CPZ: variants seen among roughly 807,000 people sequenced by gnomAD.
CPZ encodes carboxypeptidase Z.
A neutral mutation model predicts 61.8 loss-of-function variants in CPZ; 103 were observed. The observed-to-expected ratio is 1.67, with a 90% CI of 1.42 to 1.96. The LOEUF (loss-of-function observed/expected upper bound fraction) is 1.96, where lower values mean the gene tolerates loss of function less well. Ranked by LOEUF, CPZ falls within the 30% of genes most tolerant of loss-of-function variation. The pLI, the probability that CPZ is intolerant of heterozygous loss-of-function variation, is 0.00. For synonymous variants in CPZ, 551 were observed against 373.7 expected, an observed-to-expected ratio of 1.47 and a Z score of -5.47; for missense variants, 1,461 against 914.9, an observed-to-expected ratio of 1.60 and a Z score of -7.70.
intron 7 of CPZ, among the ~76,000 whole-genome samples, chr4:8,607,969 C>T (rs1024657741): frequency 6.6e-6 from 1 of 152,172 alleles, no homozygotes; most frequent in Non-Finnish European, 1.5e-5. Flanking sequence ...TCCTACTGTT[C>T]GTAGAGCAGC....
At chr4:8,599,349 G>A in intron 1 of CPZ, 104 bp from the exon 2 acceptor site, 3 of 1,359,340 alleles carry the variant, frequency 2.2e-6, no homozygotes, top group Non-Finnish European at 2.9e-6. Flanking sequence ...GCGGAGGGTG[G>A]CCTGGGCTGG....
chr4:8,618,258 G>GA lies in CPZ; in HGVS notation c.1504-170dup. On this transcript the variant is annotated intron_variant, in intron 9 of 10. Transcript: ENST00000360986. Reference sequence around the variant, plus strand: ...GGAGGAAACTGAGGCCCAGAGAGGGGAGTGACTGACTCGTTAAAGATGGCA... The same window carrying GA: ...GGAGGAAACTGAGGCCCAGAGAGGGGAAGTGACTGACTCGTTAAAGATGGCA... 3 of 618,194 alleles carry GA rather than the reference G, an allele frequency of 4.9e-6. No individual in the cohort carries two copies. In the South Asian group the frequency reaches 5.8e-5, roughly 12 times the overall value. The allele number at this position is 618,194 out of a possible 1,614,324, so 38.3% of individuals were successfully genotyped here. A position where few individuals can be genotyped will look rare whatever the true frequency, so the allele number is the denominator to read the frequency against.
intron 8 of CPZ, 41 bp from the exon 9 acceptor site, chr4:8,614,289 ACACCCCTGACGTCCCGGCTGTCTCTGTGC>A (rs1715969813): frequency 6.6e-7 from 1 of 1,507,482 alleles, no homozygotes; most frequent in African/African-American, 1.5e-5. Flanking sequence ...TGTGCGGCTG[ACACCCCTGACGTCCCGGCTGTCTCTGTGC>A]GGCTGACACC....
chr4:8,616,045 C>T (rs889737297), intron 9 of CPZ, among the ~76,000 whole-genome samples: 3 of 152,278 alleles, frequency 2.0e-5, no homozygotes, highest in African/African-American at 4.8e-5. Flanking sequence ...GAAGGAGCCT[C>T]GGATGTGGCT....
chr4:8,615,292 T>A (rs1302129622), intron 9 of CPZ, among the ~76,000 whole-genome samples: 1 of 151,884 alleles, frequency 6.6e-6, no homozygotes, highest in Non-Finnish European at 1.5e-5. Context: ...AGTGTGAGAG[T>A]GGGGACTCTG....
chr4:8,607,553 G>C (rs1715145039), intron 7 of CPZ, 128 bp downstream of exon 7: 4 of 1,050,864 alleles, frequency 3.8e-6, no homozygotes, highest in South Asian at 1.8e-5. Context: ...GAGCGGGTCA[G>C]CACCACCTGC....
chr4:8,605,064 C>G (rs1714836093), intron 4 of CPZ, among the ~76,000 whole-genome samples: 1 of 152,238 alleles, frequency 6.6e-6, no homozygotes, highest in African/African-American at 2.4e-5. Context: ...AGAGGTGCCC[C>G]TGTGCAGAAG....
chr4:8,607,140 G>C (rs1715103124), intron 6 of CPZ, 127 bp from the exon 7 acceptor site: 1 of 1,205,980 alleles, frequency 8.3e-7, no homozygotes, highest in Non-Finnish European at 1.1e-6. Context: ...AGTCCAGCTG[G>C]TGCGTTGATG....
In CPZ at chr4:8,604,022, C is replaced by T. The variant is rs1560292929; in HGVS notation, c.543C>T (p.Thr181=). Reference sequence around the variant, plus strand: ...CACTGCCCTCAGGGCTGCCGCCCACCTTCATCCGCTTCAGCCACCACTCCT... The same window carrying T: ...CACTGCCCTCAGGGCTGCCGCCCACTTTCATCCGCTTCAGCCACCACTCCT... ...DEALPSGLPP[T]FIRFSHHSYA... is the part of the protein sequence containing the mutation. The change falls in exon 4 of 11, where the codon ACC becomes ACT. Residue 181 remains threonine, a synonymous_variant. Coordinates refer to ENST00000360986, the MANE Select transcript of CPZ (RefSeq NM_001014447.3). 1.9e-6 allele frequency: 3 copies of T among 1,612,136 alleles called. No homozygotes were observed. Among genetic ancestry groups the T allele is most frequent in the South Asian group, 1.1e-5 (1 of 91,072 alleles).
chr4:8,605,625 T>TCCATCCACC (rs879783652), intron 4 of CPZ, among the ~76,000 whole-genome samples: 1 of 108,852 alleles, frequency 9.2e-6, no homozygotes, highest in Non-Finnish European at 1.8e-5. Flanking sequence ...CATCCATCCA[T>TCCATCCACC]CATTGATATA....
At position 8,608,128 on chromosome 4, in the gene CPZ, C is replaced by CCCAGCCT. The variant is rs3842006; in HGVS notation, c.1227+710_1227+716dup. On this transcript the variant is annotated intron_variant, in intron 7 of 10. Coordinates refer to ENST00000360986, the MANE Select transcript of CPZ (RefSeq NM_001014447.3). ...GGAGGGGTTGTGATCTGAGGTGGGC[C>CCCAGCCT]CCAGCCTCCAGCCCCCAGCCCCCAG... Among the ~76,000 whole-genome samples the CCCAGCCT allele has an allele frequency of 3.3e-3, 386 of 117,700 alleles. 1 individual carries two copies. The highest frequency in any genetic ancestry group is 7.4e-3 in the African/African-American group (213 of 28,962). 77.2% of individuals were successfully genotyped at this position (117,700 alleles called of 152,430 possible).
At position 8,601,491 on chromosome 4, in the gene CPZ, C is replaced by T; in HGVS notation, c.490C>T (p.Leu164Phe). The change falls in exon 3 of 11, where the codon CTT becomes TTT. Residue 164 changes from leucine (L) to phenylalanine (F), a missense_variant. By Grantham distance (22) the Leu-to-Phe change is conservative (BLOSUM62 0). Coordinates refer to ENST00000360986, the MANE Select transcript of CPZ (RefSeq NM_001014447.3). ...DEGCYDPLEK[L>F]RGGLEADEAL... ...GGGCTGCTATGACCCGCTGGAGAAG[C>T]TTCGGGGTAAGGGAAAGTGGCGGGG... The T allele has an allele frequency of 6.8e-7, 1 of 1,475,980 alleles. No homozygotes were observed. The highest frequency in any genetic ancestry group is 9.0e-7 in the Non-Finnish European group (1 of 1,111,814). The allele number at this position is 1,475,980 out of a possible 1,614,324, so 91.4% of individuals were successfully genotyped here.
rs111957407 is a variant in CPZ at position 8,611,906 on chromosome 4, A to G, written c.1228-121A>G. The stretch of plus-strand genomic sequence containing the variant: ...TTCCCCTCTCCTACCTGCAGACACC[A>G]TTCCCCTCTCCTATCTGCAATGCAG... On this transcript the variant is annotated intron_variant, in intron 7 of 10. Transcript: ENST00000360986. The G allele has an allele frequency of 2.3e-5, 31 of 1,374,172 alleles. No homozygotes were observed. The African/African-American group carries it at 3.0e-4, about 13-fold the overall frequency. The allele number at this position is 1,374,172 out of a possible 1,614,324, so 85.1% of individuals were successfully genotyped here. A position where few individuals can be genotyped will look rare whatever the true frequency, so the allele number is the denominator to read the frequency against.
At chr4:8,606,927 TCCAC>T in intron 6 of CPZ, 29 bp downstream of exon 6, 3 of 1,565,132 alleles carry the variant, frequency 1.9e-6, no homozygotes, top group Non-Finnish European at 1.7e-6. Context: ...CATGCTGGTC[TCCAC>T]CAAGGCATCC....
intron 9 of CPZ, among the ~76,000 whole-genome samples, 162 bp downstream of exon 9, chr4:8,614,660 A>C (rs1332679031): frequency 6.6e-6 from 1 of 152,116 alleles, no homozygotes; most frequent in Non-Finnish European, 1.5e-5. Flanking sequence ...GCACAACTTG[A>C]GATACAGTAG....
At chr4:8,596,472 ACT>A (rs920661927) in intron 1 of CPZ, among the ~76,000 whole-genome samples, 4 of 151,728 alleles carry the variant, frequency 2.6e-5, no homozygotes, top group African/African-American at 9.7e-5. Flanking sequence ...GCCAGCAGAC[ACT>A]CTTCCTGCCC....
rs200319624 is a variant in CPZ, at chr4:8,614,404, C to T, written c.1409C>T (p.Thr470Met). The T allele has an allele frequency of 8.7e-5, 140 of 1,613,992 alleles. No individual in the cohort carries two copies. The highest frequency in any genetic ancestry group is 7.8e-4 in the East Asian group (35 of 44,882). ...NYLHTNCFEITVELGCVKFPP... is the reference protein window; with the variant it reads ...NYLHTNCFEIMVELGCVKFPP... ...CTGCACACCAACTGCTTTGAGATCA[C>T]GGTAGAGCTGGGCTGTGTGAAGTTC... The change falls in exon 9 of 11, where the codon ACG (threonine) becomes ATG (methionine). Residue 470 changes from threonine (T) to methionine (M), a missense_variant. By Grantham distance (81) the Thr-to-Met change is moderately conservative. Transcript: ENST00000360986.
Position 8,606,134 on chromosome 4 carries a change from C to T in CPZ, c.855C>T (p.Ile285=), listed in dbSNP as rs899233139. The T allele has an allele frequency of 1.2e-6, 2 of 1,614,196 alleles. No individual in the cohort carries two copies. Among genetic ancestry groups the T allele is most frequent in the Non-Finnish European group, 1.7e-6 (2 of 1,180,036 alleles). ...RIQRLLNTTR[I]HLLPSMNPDG... ...AGCGCCTGCTCAACACCACCCGCAT[C>T]CACCTGCTGCCCTCCATGAACCCTG... The change falls in exon 5 of 11, where the codon ATC becomes ATT. Residue 285 remains isoleucine, a synonymous_variant. Coordinates refer to ENST00000360986, the MANE Select transcript of CPZ (RefSeq NM_001014447.3).
At chr4:8,594,930 G>A (rs781261107) in intron 1 of CPZ, among the ~76,000 whole-genome samples, 14 of 152,044 alleles carry the variant, frequency 9.2e-5, no homozygotes, top group South Asian at 2.1e-4. Flanking sequence ...CTGCCACCGC[G>A]CCCAACTAAT....
Sources: gnomAD v4.1 joint callset for allele counts (sites outside exome capture counted in the v4.1 genomes callset) on GRCh38, gnomAD v4.1.1 for gene constraint, MANE v1.5 for transcripts, NCBI Gene and HGNC (gene_info 2026-07-23, HGNC 2026-07-21) for gene names.